The following ACTR3C variants were observed in gnomAD, a reference collection of about 807,000 sequenced individuals.
ACTR3C encodes the protein actin-related protein 3C.
Under a neutral mutation model 26.3 loss-of-function variants are expected in ACTR3C, and 18 were observed. The ratio of observed to expected loss-of-function variants is 0.68; its 90% CI spans 0.47 to 1.01. The LOEUF is 1.01. Ranked by LOEUF, ACTR3C falls within the 50% of genes least tolerant of loss-of-function variation. The pLI, the probability that ACTR3C is intolerant of heterozygous loss-of-function variation, is 0.00. For synonymous variants in ACTR3C, 55 were observed against 94.5 expected (o/e 0.58, Z 2.42); for missense variants, 184 against 250.7 (o/e 0.73, Z 1.80).
chr7:150,123,788 A>T, the ACTR3C span, among the ~76,000 whole-genome samples: 1 of 152,194 alleles, frequency 6.6e-6, no homozygotes, highest in Non-Finnish European at 1.5e-5. Context: ...TGCAGCTTAG[A>T]AGAAGTATGC....
chr7:150,011,648 T>C, the ACTR3C span, among the ~76,000 whole-genome samples: 3 of 152,102 alleles, frequency 2.0e-5, no homozygotes, highest in Non-Finnish European at 4.4e-5. Context: ...AAAGTTGCAA[T>C]AGAAAGCCAT....
chr7:150,237,548 T>C, the ACTR3C span, among the ~76,000 whole-genome samples: 2 of 152,096 alleles, frequency 1.3e-5, no homozygotes, highest in African/African-American at 4.8e-5. Flanking sequence ...TGTATTGGCT[T>C]CCCTTACCTT....
chr7:150,133,237 C>G, the ACTR3C span, among the ~76,000 whole-genome samples: 8 of 152,158 alleles, frequency 5.3e-5, no homozygotes, highest in African/African-American at 1.4e-4. Context: ...GCCCTGTGTT[C>G]GACGAGCCAG....
the ACTR3C span, among the ~76,000 whole-genome samples, chr7:149,895,863 A>AT: frequency 1.2e-4 from 19 of 152,110 alleles, no homozygotes; most frequent in African/African-American, 4.6e-4. Flanking sequence ...TAATTAAAAA[A>AT]ATTTTTAAAA....
intron 6 of ACTR3C, among the ~76,000 whole-genome samples, chr7:150,250,385 A>G (rs1384949117): frequency 3.3e-5 from 5 of 151,262 alleles, no homozygotes; most frequent in Non-Finnish European, 5.9e-5. Flanking sequence ...TTGTATTTTT[A>G]CTAGAGACGG....
chr7:150,164,263 C>T, the ACTR3C span, among the ~76,000 whole-genome samples: 2 of 152,210 alleles, frequency 1.3e-5, no homozygotes, highest in African/African-American at 4.8e-5. Context: ...GCCTGCCGGG[C>T]TGAGCATATC....
At chr7:150,042,358 C>T in the ACTR3C span, among the ~76,000 whole-genome samples, 18 of 124,316 alleles carry the variant, frequency 1.4e-4, no homozygotes, top group African/African-American at 5.5e-4. Context: ...CCTCCGCCCC[C>T]AGCGATGGGG....
the ACTR3C span, among the ~76,000 whole-genome samples, chr7:150,199,737 A>AAAC: frequency 5.5e-4 from 78 of 142,708 alleles, 1 homozygote; most frequent in African/African-American, 2.0e-3. Context: ...AAAAAAAAAA[A>AAAC]AAAAAAAAAA....
the ACTR3C span, among the ~76,000 whole-genome samples, chr7:150,110,755 G>A: frequency 6.9e-6 from 1 of 145,514 alleles, no homozygotes; most frequent in African/African-American, 2.6e-5. Context: ...GCAGGGGGCG[G>A]GGCTTGCTGG....
rs573055224 is a variant in ACTR3C, at chr7:150,317,483, TTG to T, written c.-52+5984_-52+5985del. The stretch of plus-strand genomic sequence containing the variant: ...TAGTAAATTTTGTCAGTTAATTATT[TTG>T]TGTTTCTCACTTATGCAATCAAGTC... On this transcript the variant is annotated intron_variant, in intron 1 of 7. Transcript: ENST00000683684. Among the ~76,000 whole-genome samples, 354 of 152,366 alleles carry T rather than the reference TTG, an allele frequency of 2.3e-3. 1 individual carries two copies. Among genetic ancestry groups the T allele is most frequent in the African/African-American group, 8.2e-3 (342 of 41,582 alleles).
At chr7:149,908,971 G>A in the ACTR3C span, among the ~76,000 whole-genome samples, 2 of 151,822 alleles carry the variant, frequency 1.3e-5, no homozygotes, top group Admixed American at 6.6e-5. Context: ...TGATAGAGAC[G>A]GGGTTCCAAC....
the ACTR3C span, among the ~76,000 whole-genome samples, chr7:150,232,626 C>T: frequency 6.8e-6 from 1 of 146,192 alleles, no homozygotes; most frequent in Non-Finnish European, 1.5e-5. Context: ...GAGTTCAAGG[C>T]CAGCCTAGCC....
the ACTR3C span, among the ~76,000 whole-genome samples, chr7:149,897,603 C>T: frequency 0.5 from 75,570 of 152,144 alleles, 19,416 homozygotes; most frequent in South Asian, 0.72. Context: ...CAGTGGCTCA[C>T]GCCTGTAATC....
chr7:150,294,583 G>A (rs1014639685), intron 2 of ACTR3C, among the ~76,000 whole-genome samples: 13 of 152,240 alleles, frequency 8.5e-5, no homozygotes, highest in Admixed American at 4.6e-4. Flanking sequence ...GGACTGTGCT[G>A]ATAGGCACTG....
the ACTR3C span, among the ~76,000 whole-genome samples, chr7:150,111,602 T>C: frequency 1.1e-5 from 1 of 92,894 alleles, no homozygotes; most frequent in African/African-American, 4.9e-5. Context: ...TTTCTCCCAT[T>C]TTCACACCCA....
chr7:150,036,325 A>G, the ACTR3C span, among the ~76,000 whole-genome samples: 2,037 of 147,664 alleles, frequency 0.014, 22 homozygotes, highest in African/African-American at 0.042. Flanking sequence ...TAGGGGGGCC[A>G]TCCTTTAGCA....
chr7:150,278,940 A>G (rs182891814), intron 6 of ACTR3C, among the ~76,000 whole-genome samples: 95 of 152,316 alleles, frequency 6.2e-4, no homozygotes, highest in African/African-American at 2.3e-3. Context: ...AAAAAAACCA[A>G]TGATATGTAT....
the ACTR3C span, among the ~76,000 whole-genome samples, chr7:150,217,265 C>T: frequency 6.6e-6 from 1 of 151,702 alleles, no homozygotes; most frequent in Non-Finnish European, 1.5e-5. Flanking sequence ...TCCCAAAGTC[C>T]AAGCTTTGGA....
chr7:150,147,810 C>T, the ACTR3C span, among the ~76,000 whole-genome samples: 4 of 150,160 alleles, frequency 2.7e-5, no homozygotes, highest in African/African-American at 9.9e-5. Flanking sequence ...AATAGGAGTA[C>T]TGGTTATTAC....
Sources: gnomAD v4.1 joint callset for allele counts (sites outside exome capture counted in the v4.1 genomes callset) on GRCh38, gnomAD v4.1.1 for gene constraint, MANE v1.5 for transcripts, NCBI Gene and HGNC (gene_info 2026-07-23, HGNC 2026-07-21) for gene names.